Variants in SNRPB observed in about 807,000 individuals in gnomAD.
SNRPB encodes the protein small nuclear ribonucleoprotein-associated proteins B and B'.
Under a neutral mutation model 26.6 loss-of-function variants are expected in SNRPB, and 5 were observed. That is an observed-to-expected ratio of 0.19 (90% CI 0.10 to 0.39). The LOEUF (loss-of-function observed/expected upper bound fraction) is 0.39, where lower values mean the gene tolerates loss of function less well. SNRPB is among the 10% of genes least tolerant of loss of function. SNRPB has a pLI of 1.00. For synonymous variants in SNRPB, 122 were observed against 105.8 expected (o/e 1.15, Z -0.94); for missense variants, 211 against 311.9 (o/e 0.68, Z 2.44).
intron 5 of SNRPB, 38 bp from the exon 6 acceptor site, chr20:2,462,799 C>G (rs2085045170): frequency 6.7e-7 from 1 of 1,493,870 alleles, no homozygotes. Context: ...GCTCAAGTGT[C>G]TATCTTGAAA....
chr20:2,464,831 C>T (rs539430699), intron 3 of SNRPB, among the ~76,000 whole-genome samples: 1 of 150,864 alleles, frequency 6.6e-6, no homozygotes, highest in South Asian at 2.1e-4. Context: ...GATCGTGCCA[C>T]TGCACTCCAG....
chr20:2,469,798 C>G (rs148311517), intron 1 of SNRPB, among the ~76,000 whole-genome samples: 3 of 152,328 alleles, frequency 2.0e-5, no homozygotes, highest in African/African-American at 7.2e-5. Flanking sequence ...CCTGCCAATT[C>G]TTCCCGTCTT....
At chr20:2,468,173 A>G (rs2085086956) in intron 1 of SNRPB, among the ~76,000 whole-genome samples, 1 of 152,244 alleles carries the variant, frequency 6.6e-6, no homozygotes, top group Admixed American at 6.5e-5. Context: ...AGGAAGAGCT[A>G]GAATAGGGCT....
chr20:2,465,829 G>A lies in SNRPB; in HGVS notation c.156-10C>T. The A allele has an allele frequency of 6.2e-7, 1 of 1,609,428 alleles. No homozygotes were observed. Among genetic ancestry groups the A allele is most frequent in the Non-Finnish European group, 8.5e-7 (1 of 1,176,154 alleles). The stretch of plus-strand genomic sequence containing the variant: ...TTTGGAGTTCTTTGGCCTAAAGAGA[G>A]GTTTAGAAGGAACAAAAAAAGTGTT... On this transcript the variant is annotated splice_polypyrimidine_tract_variant and intron_variant, in intron 2 of 6. Transcript: ENST00000381342.
Position 2,463,174 on chromosome 20 carries a change from T to C in SNRPB, c.474A>G (p.Thr158=). 6.2e-7 allele frequency: 1 copy of C among 1,612,532 alleles called. No individual in the cohort carries two copies. The highest frequency in any genetic ancestry group is 8.5e-7 in the Non-Finnish European group (1 of 1,178,838). ...GGGTTGGAGCCCCGGCAATACTGGCTGTGGCAGCAGCTGCAGCGGCTGCAA... is the reference window on the plus strand; with the variant it reads ...GGGTTGGAGCCCCGGCAATACTGGCCGTGGCAGCAGCTGCAGCGGCTGCAA... The part of the protein sequence containing the change: ...GTVAAAAAAA[T]ASIAGAPTQY... The change falls in exon 5 of 7, where the codon ACA becomes ACG. Residue 158 remains threonine (T), a synonymous_variant. Coordinates refer to ENST00000381342, the MANE Select transcript of SNRPB (RefSeq NM_003091.4). The surrounding 1 kb of genome is among the most constrained non-coding windows in gnomAD (Gnocchi z 5.0).
chr20:2,464,884 A>AC (rs916535121), intron 3 of SNRPB, among the ~76,000 whole-genome samples: 2 of 69,560 alleles, frequency 2.9e-5, no homozygotes, highest in Non-Finnish European at 7.6e-5. Flanking sequence ...CTAAAAAAAA[A>AC]AAAAAAAAAA....
chr20:2,462,591 T>C lies in SNRPB; in HGVS notation c.685+45A>G, dbSNP rs199615381. ...ATCTTCCCTCCATTTCCTATCCCAC[T>C]AGGCTCTAGGGAAAGAAGCCAAAGT... On this transcript the variant is annotated intron_variant, in intron 6 of 6. Coordinates refer to ENST00000381342, the MANE Select transcript of SNRPB (RefSeq NM_003091.4). The C allele has an allele frequency of 2.1e-4, 332 of 1,570,920 alleles. No individual in the cohort carries two copies. Among genetic ancestry groups the C allele is most frequent in the Non-Finnish European group, 2.7e-4 (304 of 1,141,062 alleles).
At chr20:2,469,555 T>C (rs998891399) in intron 1 of SNRPB, among the ~76,000 whole-genome samples, 1 of 152,054 alleles carries the variant, frequency 6.6e-6, no homozygotes. Flanking sequence ...TAGCCAAGTG[T>C]GGTGGCGGGT....
At chr20:2,464,053 C>T (rs1457496583) in intron 3 of SNRPB, among the ~76,000 whole-genome samples, 154 bp from the exon 4 acceptor site, 1 of 152,226 alleles carries the variant, frequency 6.6e-6, no homozygotes, top group Non-Finnish European at 1.5e-5. Context: ...CAACACCATT[C>T]TTCCTCCATC....
chr20:2,470,541 G>A, intron 1 of SNRPB, 147 bp downstream of exon 1: 1 of 938,626 alleles, frequency 1.1e-6, no homozygotes. Flanking sequence ...CAAGGTCCTG[G>A]TCTTTCCCGC....
Position 2,465,764 on chromosome 20 carries a change from G to C in SNRPB, c.211C>G (p.Leu71Val). ...GAGACCAGATTCTCCCCTCGCAGCA[G>C]CACCAGACCGAGGACTCGCTTCTCT... Reference protein sequence around the residue: ...REEKRVLGLVLLRGENLVSMT... With the variant: ...REEKRVLGLVVLRGENLVSMT... The change falls in exon 3 of 7, where the codon CTG becomes GTG. Residue 71 changes from leucine (L) to valine (V), a missense_variant. Coordinates refer to ENST00000381342, the MANE Select transcript of SNRPB (RefSeq NM_003091.4). 1.2e-6 allele frequency: 2 copies of C among 1,613,698 alleles called. No individual in the cohort carries two copies. The highest frequency in any genetic ancestry group is 1.1e-5 in the South Asian group (1 of 91,064).
chr20:2,469,401 C>T (rs896648612), intron 1 of SNRPB, among the ~76,000 whole-genome samples: 4 of 152,166 alleles, frequency 2.6e-5, no homozygotes, highest in African/African-American at 7.2e-5. Flanking sequence ...TGGTTAAAAT[C>T]CTTCAGTGGG....
At chr20:2,467,926 C>A (rs1431123068) in intron 1 of SNRPB, among the ~76,000 whole-genome samples, 168 bp from the exon 2 acceptor site, 1 of 90,452 alleles carries the variant, frequency 1.1e-5, no homozygotes, top group African/African-American at 2.7e-5. Flanking sequence ...TCCCATGCCA[C>A]CCTGTTTTAG....
Position 2,462,723 on chromosome 20 carries a change from C to T in SNRPB, c.598G>A (p.Gly200Ser). 1 of 1,578,418 alleles carries T rather than the reference C, an allele frequency of 6.3e-7. No homozygotes were observed. Among genetic ancestry groups the T allele is most frequent in the Non-Finnish European group, 8.6e-7 (1 of 1,160,682 alleles). ...CCAGGGGGGATCCCCATTGGGGGAC[C>T]CATAGGAGGTCTCATACCAGGAGGT... Reference protein sequence around the residue: ...GPPPGMRPPMGPPMGIPPGRG... With the variant: ...GPPPGMRPPMSPPMGIPPGRG... Residue 200 changes from glycine (G) to serine (S), a missense_variant, in exon 6 of 7, where the codon GGT (glycine) becomes AGT (serine). Transcript: ENST00000381342.
At chr20:2,467,440 C>T (rs755311287) in intron 2 of SNRPB, 167 bp downstream of exon 2, 4 of 669,864 alleles carry the variant, frequency 6.0e-6, no homozygotes, top group Non-Finnish European at 1.0e-5. Context: ...GTTTGCTGGA[C>T]TCAAAAAGAT....
intron 3 of SNRPB, among the ~76,000 whole-genome samples, chr20:2,464,590 G>A (rs2085058867): frequency 6.6e-6 from 1 of 152,188 alleles, no homozygotes; most frequent in South Asian, 2.1e-4. Flanking sequence ...CTAGAAAAAT[G>A]TTAACATTAA....
intron 3 of SNRPB, among the ~76,000 whole-genome samples, 169 bp downstream of exon 3, chr20:2,465,539 C>A (rs1381865295): frequency 6.6e-6 from 1 of 151,834 alleles, no homozygotes; most frequent in Non-Finnish European, 1.5e-5. Flanking sequence ...TGTGAGCCAC[C>A]GCGCCCGGCC....
At chr20:2,469,925 C>G (rs556906838) in intron 1 of SNRPB, among the ~76,000 whole-genome samples, 8 of 152,288 alleles carry the variant, frequency 5.3e-5, no homozygotes, top group Admixed American at 4.6e-4. Flanking sequence ...TTCTCCGGGT[C>G]TGTAATATTC....
At chr20:2,462,960 C>T in intron 5 of SNRPB, 129 bp downstream of exon 5, 1 of 1,067,452 alleles carries the variant, frequency 9.4e-7, no homozygotes, top group African/African-American at 1.6e-5. Context: ...GTCAGCCACG[C>T]TGGATCTCAG....
Sources: allele counts gnomAD v4.1 joint callset (sites outside exome capture counted in the v4.1 genomes callset), GRCh38; gene constraint gnomAD v4.1.1; non-coding constraint Gnocchi (gnomAD v3.1); transcripts MANE v1.5; gene names NCBI Gene and HGNC (gene_info 2026-07-23, HGNC 2026-07-21).